Variants in GRM7 observed in about 807,000 individuals in gnomAD.
The protein encoded by GRM7 is glutamate metabotropic receptor 7, also known as metabotropic glutamate receptor 7.
GRM7 carries 35 observed loss-of-function variants against 84.5 expected under a neutral mutation model. The ratio of observed to expected loss-of-function variants is 0.41; its 90% confidence interval spans 0.32 to 0.55. The LOEUF is 0.55. Among genes scored for constraint, GRM7 ranks in the 20% least tolerant of loss-of-function variants. The probability of loss-of-function intolerance (pLI) is 0.19; values close to 1 mark genes in which losing one functional copy is unlikely to be tolerated. For missense variants in GRM7, 1,003 were observed against 1,194.6 expected (o/e 0.84, Z 2.36); for synonymous variants, 487 against 455.1 (o/e 1.07, Z -0.89).
At chr3:7,491,724 T>A (rs1699525132) in intron 7 of GRM7, among the ~76,000 whole-genome samples, 1 of 152,186 alleles carries the variant, frequency 6.6e-6, no homozygotes, top group South Asian at 2.1e-4. Context: ...GGCAAATCAT[T>A]TTCTCCTCTT....
Position 7,574,231 on chromosome 3 carries a change from C to T in GRM7, c.1516-4191C>T, listed in dbSNP as rs192153325. 2.0e-5 allele frequency among the ~76,000 whole-genome samples: 3 copies of T among 149,276 alleles called. No individual in the cohort carries two copies. In the Admixed American group the frequency reaches 2.0e-4, roughly 10 times the overall value. On this transcript the variant is annotated intron_variant, in intron 7 of 9. Coordinates refer to ENST00000357716, the MANE Select transcript of GRM7 (RefSeq NM_000844.4). The stretch of plus-strand genomic sequence containing the variant: ...CTGGAGTGCAGAGGCACAATAATGG[C>T]TCACTGCAATCTCCGCCTCCCGGGT...
intron 7 of GRM7, among the ~76,000 whole-genome samples, chr3:7,521,699 A>T (rs1039697086): frequency 6.6e-6 from 1 of 151,922 alleles, no homozygotes; most frequent in African/African-American, 2.4e-5. Context: ...CTTTCTAGAC[A>T]TGAGTTCATG....
At chr3:6,880,469 A>G (rs976234764) in intron 1 of GRM7, among the ~76,000 whole-genome samples, 1 of 152,194 alleles carries the variant, frequency 6.6e-6, no homozygotes, top group Non-Finnish European at 1.5e-5. Flanking sequence ...GGCTTTAGAA[A>G]CTTCTGGAAG....
At chr3:6,970,303 C>G (rs1415715008) in intron 1 of GRM7, among the ~76,000 whole-genome samples, 3 of 152,146 alleles carry the variant, frequency 2.0e-5, no homozygotes, top group Admixed American at 6.5e-5. Context: ...ACAGCTTGCT[C>G]GGCCTCCCAA....
intron 2 of GRM7, among the ~76,000 whole-genome samples, chr3:7,182,808 A>G (rs2125098551): frequency 6.6e-6 from 1 of 152,030 alleles, no homozygotes; most frequent in Non-Finnish European, 1.5e-5. Context: ...CACAAGGGAA[A>G]TAGACTATCT....
intron 4 of GRM7, among the ~76,000 whole-genome samples, chr3:7,336,321 A>AT (rs1294907901): frequency 1.3e-4 from 20 of 152,056 alleles, no homozygotes; most frequent in Non-Finnish European, 8.8e-5. Context: ...GCAAAAAAAA[A>AT]GCACTTGGCA....
chr3:7,533,585 C>T (rs917269015), intron 7 of GRM7, among the ~76,000 whole-genome samples: 1 of 152,110 alleles, frequency 6.6e-6, no homozygotes. Context: ...GCCAGGCTCT[C>T]CAATAAGCTG....
intron 2 of GRM7, among the ~76,000 whole-genome samples, chr3:7,208,058 G>A (rs1379977372): frequency 6.6e-6 from 1 of 152,082 alleles, no homozygotes; most frequent in Admixed American, 6.6e-5. Context: ...AATTGAGAAG[G>A]TGCTTAGAAA....
At chr3:7,555,263 G>A (rs1693703258) in intron 7 of GRM7, among the ~76,000 whole-genome samples, 1 of 152,160 alleles carries the variant, frequency 6.6e-6, no homozygotes, top group Admixed American at 6.5e-5. Context: ...TAATAATAAG[G>A]TGGGATCTGA....
intron 4 of GRM7, among the ~76,000 whole-genome samples, chr3:7,346,207 A>T (rs1692887213): frequency 1.3e-5 from 2 of 152,136 alleles, no homozygotes; most frequent in Non-Finnish European, 2.9e-5. Flanking sequence ...AGGTAATTTC[A>T]ATACTGTAAA....
intron 4 of GRM7, among the ~76,000 whole-genome samples, chr3:7,308,226 G>C (rs1700264689): frequency 6.7e-6 from 1 of 148,918 alleles, no homozygotes; most frequent in Admixed American, 6.7e-5. Context: ...TTGCTACACT[G>C]TTTGGTTGAT....
intron 8 of GRM7, among the ~76,000 whole-genome samples, chr3:7,656,495 CAAAA>C (rs1699184923): frequency 7.7e-6 from 1 of 129,740 alleles, no homozygotes; most frequent in Admixed American, 8.3e-5. Context: ...GACTCTGTCT[CAAAA>C]AACAAACAAA....
At position 7,452,822 on chromosome 3, in the gene GRM7, A is replaced by G; in HGVS notation, c.1375+15A>G. On this transcript the variant is annotated intron_variant, in intron 6 of 9. Transcript: ENST00000357716. The stretch of plus-strand genomic sequence containing the variant: ...TAATTTCAATGGTGAGTCTCCAAAA[A>G]TCCATCCTTTTTGGAATCCTAAGTG... 2 of 1,550,830 alleles carry G rather than the reference A, an allele frequency of 1.3e-6. No individual in the cohort carries two copies. Among genetic ancestry groups the G allele is most frequent in the Non-Finnish European group, 1.8e-6 (2 of 1,123,702 alleles).
chr3:7,336,961 C>T (rs940076243), intron 4 of GRM7, among the ~76,000 whole-genome samples: 2 of 152,002 alleles, frequency 1.3e-5, no homozygotes, highest in African/African-American at 4.8e-5. Context: ...GTGAAAATGA[C>T]CATACTGCCA....
intron 8 of GRM7, among the ~76,000 whole-genome samples, chr3:7,678,781 G>A (rs191120521): frequency 3.9e-5 from 6 of 152,240 alleles, no homozygotes; most frequent in Admixed American, 3.9e-4. Flanking sequence ...TTTCACTAGG[G>A]CCTCTGTTTG....
At chr3:6,876,525 C>CA (rs1177220456) in intron 1 of GRM7, among the ~76,000 whole-genome samples, 1 of 151,446 alleles carries the variant, frequency 6.6e-6, no homozygotes, top group Non-Finnish European at 1.5e-5. Context: ...CCTATATACT[C>CA]ATGTTAAAAT....
intron 1 of GRM7, among the ~76,000 whole-genome samples, chr3:7,025,855 G>A (rs1575144566): frequency 6.6e-6 from 1 of 152,260 alleles, no homozygotes; most frequent in Middle Eastern, 3.4e-3. Context: ...ACTGTGCATG[G>A]GGAGCTACCA....
Position 7,660,065 on chromosome 3 carries a change from G to T in GRM7, c.2452-19984G>T, listed in dbSNP as rs61471077. ...CAAATAGGTAGATAAAATATAGGAT[G>T]TAAGCTAAAAAGCAAAGTATTAAAT... On this transcript the variant is annotated intron_variant, in intron 8 of 9. Transcript: ENST00000357716. 3.3e-5 allele frequency among the ~76,000 whole-genome samples: 5 copies of T among 152,216 alleles called. No individual in the cohort carries two copies. In the South Asian group the frequency reaches 1.0e-3, roughly 32 times the overall value.
At chr3:7,130,610 C>T (rs1442187222) in intron 1 of GRM7, among the ~76,000 whole-genome samples, 2 of 151,178 alleles carry the variant, frequency 1.3e-5, no homozygotes, top group African/African-American at 2.4e-5. Context: ...AGCTCTATCT[C>T]AAAATCTTCC....
Sources: allele counts gnomAD v4.1 joint callset (sites outside exome capture counted in the v4.1 genomes callset), GRCh38; gene constraint gnomAD v4.1.1; transcripts MANE v1.5; gene names NCBI Gene and HGNC (gene_info 2026-07-23, HGNC 2026-07-21).